Variants in GAPVD1 observed in about 807,000 individuals in gnomAD.
The protein encoded by GAPVD1 is GTPase activating protein and VPS9 domains 1, also known as GTPase-activating protein and VPS9 domain-containing protein 1.
GAPVD1 carries 35 observed loss-of-function variants against 155.5 expected under a neutral mutation model. That is an observed-to-expected ratio of 0.23 (90% CI 0.17 to 0.30). GAPVD1 has a LOEUF of 0.30. Ranked by LOEUF, GAPVD1 falls within the 10% of genes least tolerant of loss-of-function variation. The pLI, the probability that GAPVD1 is intolerant of heterozygous loss-of-function variation, is 1.00. For missense variants in GAPVD1, 1,429 were observed against 1,775.7 expected, an observed-to-expected ratio of 0.80 and a Z score of 3.51; for synonymous variants, 636 against 619.7, an observed-to-expected ratio of 1.03 and a Z score of -0.39.
chr9:125,326,624 T>C, intron 12 of GAPVD1, 35 bp downstream of exon 12: 3 of 1,499,818 alleles, frequency 2.0e-6, no homozygotes, highest in Non-Finnish European at 2.8e-6. Flanking sequence ...AATATCACGG[T>C]TTAGTTATTC....
chr9:125,300,504 A>G (rs1840697662), intron 4 of GAPVD1, among the ~76,000 whole-genome samples: 1 of 152,026 alleles, frequency 6.6e-6, no homozygotes, highest in Non-Finnish European at 1.5e-5. Flanking sequence ...CTCTAAGAAT[A>G]TCAGTGCTGT....
At position 125,285,494 on chromosome 9, in the gene GAPVD1, G is replaced by A. The variant is rs980148248; in HGVS notation, c.-149-9964G>A. Among the ~76,000 whole-genome samples, 4 of 110,768 alleles carry A rather than the reference G, an allele frequency of 3.6e-5. No homozygotes were observed. The South Asian group carries it at 1.1e-3, about 30-fold the overall frequency. The allele number at this position is 110,768 out of a possible 152,430, so 72.7% of individuals were successfully genotyped here. On this transcript the variant is annotated intron_variant, in intron 2 of 27. Transcript: ENST00000297933. ...TTTTTTTGAGGTAGAGTCTTCCTCT[G>A]TTGTCCAAGCTGGAGTGTAGTGGCC...
rs1490914034 is a variant in GAPVD1 at position 125,326,399 on chromosome 9, A to G, written c.1859-17A>G. ...CTGTGCTACTATTTTAAAAGTGCTTAATTTTGTTTTTGATAGCTACAACAC... is the reference window on the plus strand; with the variant it reads ...CTGTGCTACTATTTTAAAAGTGCTTGATTTTGTTTTTGATAGCTACAACAC... On this transcript the variant is annotated splice_polypyrimidine_tract_variant and intron_variant, in intron 11 of 27. Transcript: ENST00000297933. The G allele has an allele frequency of 4.4e-6, 7 of 1,576,848 alleles. No homozygotes were observed. The African/African-American group carries it at 9.5e-5, about 21-fold the overall frequency.
intron 3 of GAPVD1, among the ~76,000 whole-genome samples, chr9:125,297,652 G>C (rs1185127981): frequency 2.0e-5 from 3 of 152,184 alleles, no homozygotes; most frequent in Non-Finnish European, 4.4e-5. Context: ...GTAGCCAGGG[G>C]TAGATCATAT....
At chr9:125,298,795 A>G (rs1429730404) in intron 3 of GAPVD1, 95 bp from the exon 4 acceptor site, 2 of 591,550 alleles carry the variant, frequency 3.4e-6, no homozygotes, top group African/African-American at 1.9e-5. Context: ...CCCAAATGTA[A>G]CTGAATTCTT....
At chr9:125,325,899 A>G (rs1845100667) in intron 11 of GAPVD1, among the ~76,000 whole-genome samples, 1 of 152,222 alleles carries the variant, frequency 6.6e-6, no homozygotes, top group African/African-American at 2.4e-5. Flanking sequence ...CATAAGCTTT[A>G]AATTCTGTGC....
intron 17 of GAPVD1, among the ~76,000 whole-genome samples, chr9:125,338,947 GTGTGTGTGTGTATA>G (rs1054338040): frequency 2.7e-5 from 4 of 149,478 alleles, no homozygotes; most frequent in Admixed American, 2.0e-4. Context: ...GTGTGTGTGT[GTGTGTGTGTGTATA>G]TATATTTTTT....
intron 15 of GAPVD1, 140 bp from the exon 16 acceptor site, chr9:125,336,878 A>AT (rs967215953): frequency 6.5e-3 from 3,501 of 539,082 alleles, no homozygotes; most frequent in South Asian, 9.3e-3. Context: ...TCATAATTTG[A>AT]TTTTTTTTTT....
intron 2 of GAPVD1, among the ~76,000 whole-genome samples, chr9:125,271,427 C>A (rs1834901170): frequency 1.3e-5 from 2 of 151,890 alleles, no homozygotes; most frequent in African/African-American, 2.4e-5. Context: ...AGAAAAAAGA[C>A]AAAACAAAAT....
At chr9:125,328,836 C>A (rs540707707) in intron 12 of GAPVD1, among the ~76,000 whole-genome samples, 438 of 30,302 alleles carry the variant, frequency 0.014, 4 homozygotes, top group East Asian at 0.077. Context: ...GGGGCTGACC[C>A]CCCCCCCACC....
At chr9:125,328,808 A>G (rs1188099782) in intron 12 of GAPVD1, among the ~76,000 whole-genome samples, 16 of 146,808 alleles carry the variant, frequency 1.1e-4, no homozygotes, top group Admixed American at 1.4e-4. Flanking sequence ...CTCCCGGACG[A>G]GGCGGCTGGC....
chr9:125,345,883 G>GTATA (rs372110502), intron 19 of GAPVD1: 185 of 150,120 alleles, frequency 1.2e-3, no homozygotes, highest in African/African-American at 4.1e-3. Context: ...GTGTGTGTGT[G>GTATA]TATATATATA....
chr9:125,356,240 C>A (rs2132558071), intron 25 of GAPVD1, among the ~76,000 whole-genome samples: 1 of 152,302 alleles, frequency 6.6e-6, no homozygotes, highest in Non-Finnish European at 1.5e-5. Flanking sequence ...GCCTCGGTGC[C>A]TTTCTTTAGT....
chr9:125,289,115 G>A (rs971257480), intron 2 of GAPVD1, among the ~76,000 whole-genome samples: 1 of 152,182 alleles, frequency 6.6e-6, no homozygotes, highest in African/African-American at 2.4e-5. Flanking sequence ...CTGTTGTCTT[G>A]AAATTATTGA....
At chr9:125,285,352 T>TA (rs1837476822) in intron 2 of GAPVD1, among the ~76,000 whole-genome samples, 1 of 152,174 alleles carries the variant, frequency 6.6e-6, no homozygotes, top group Non-Finnish European at 1.5e-5. Context: ...AAAATCTCCT[T>TA]ACTGTGCTCT....
intron 9 of GAPVD1, among the ~76,000 whole-genome samples, chr9:125,316,462 G>C (rs1458278472): frequency 6.6e-6 from 1 of 152,150 alleles, no homozygotes; most frequent in Admixed American, 6.6e-5. Context: ...AGTTTGCTGA[G>C]AATGATGGTT....
At chr9:125,354,879 G>C (rs1455147981) in intron 24 of GAPVD1, 38 bp downstream of exon 24, 2 of 1,375,558 alleles carry the variant, frequency 1.5e-6, no homozygotes, top group South Asian at 1.2e-5. Context: ...CTCTTCACCT[G>C]TAATACTGTT....
intron 9 of GAPVD1, among the ~76,000 whole-genome samples, chr9:125,320,598 G>A (rs528139712): frequency 1.3e-5 from 2 of 152,094 alleles, no homozygotes; most frequent in Admixed American, 6.6e-5. Context: ...TGCAAATTTA[G>A]TATGTTTAAA....
At chr9:125,343,058 A>G (rs1399789809) in intron 19 of GAPVD1, among the ~76,000 whole-genome samples, 3 of 152,248 alleles carry the variant, frequency 2.0e-5, no homozygotes, top group Middle Eastern at 3.4e-3. Flanking sequence ...TCCAGTGGCT[A>G]TTATAGAGCA....
Sources: allele counts gnomAD v4.1 joint callset (sites outside exome capture counted in the v4.1 genomes callset), GRCh38; gene constraint gnomAD v4.1.1; transcripts MANE v1.5; gene names NCBI Gene and HGNC (gene_info 2026-07-23, HGNC 2026-07-21).